The following FANCI variants were observed in gnomAD, a reference collection of about 807,000 sequenced individuals.
FANCI encodes FA complementation group I, also known as Fanconi anemia group I protein.
Under a neutral mutation model 176.1 loss-of-function variants are expected in FANCI, and 156 were observed. The ratio of observed to expected loss-of-function variants is 0.89; its 90% CI spans 0.78 to 1.01. The LOEUF (loss-of-function observed/expected upper bound fraction) is 1.01. Ranked by LOEUF, FANCI falls within the 50% of genes least tolerant of loss-of-function variation. The probability of loss-of-function intolerance (pLI) is 0.00; values close to 1 mark genes in which losing one functional copy is unlikely to be tolerated. For synonymous variants in FANCI, 613 were observed against 541.7 expected, an observed-to-expected ratio of 1.13 and a Z score of -1.83; for missense variants, 1,678 against 1,534.1, an observed-to-expected ratio of 1.09 and a Z score of -1.57.
At chr15:89,244,665 C>T (rs550643793) in intron 1 of FANCI, among the ~76,000 whole-genome samples, 1 of 152,354 alleles carries the variant, frequency 6.6e-6, no homozygotes, top group South Asian at 2.1e-4. Context: ...TTGGTGTGTC[C>T]TGTTTGCATC....
chr15:89,264,716 A>C, intron 9 of FANCI, 109 bp downstream of exon 9: 1 of 930,886 alleles, frequency 1.1e-6, no homozygotes, highest in Non-Finnish European at 1.7e-6. Context: ...TCACCTCAGC[A>C]CAAAACTTTT....
intron 24 of FANCI, among the ~76,000 whole-genome samples, chr15:89,299,340 A>G (rs1390217189): frequency 6.6e-6 from 1 of 152,210 alleles, no homozygotes; most frequent in East Asian, 1.9e-4. Context: ...AGTAATGTAA[A>G]TTCTGTGCAA....
intron 18 of FANCI, among the ~76,000 whole-genome samples, chr15:89,289,116 T>G (rs1412129582): frequency 6.6e-6 from 1 of 152,180 alleles, no homozygotes; most frequent in Non-Finnish European, 1.5e-5. Context: ...TAACCATTTG[T>G]TCAGACATCA....
chr15:89,261,000 TCA>T (rs1441713118), intron 4 of FANCI, among the ~76,000 whole-genome samples, 157 bp downstream of exon 4: 1 of 152,140 alleles, frequency 6.6e-6, no homozygotes, highest in Non-Finnish European at 1.5e-5. Context: ...GCATGGTGAC[TCA>T]CACCTGTAAT....
chr15:89,317,204 T>A (rs1596348006), downstream of FANCI: 1 of 653,324 alleles, frequency 1.5e-6, no homozygotes, highest in Non-Finnish European at 2.7e-6. Flanking sequence ...TTCTGAAACA[T>A]CATATCACAT....
At chr15:89,290,416 T>C in intron 19 of FANCI, 135 bp downstream of exon 19, 1 of 723,588 alleles carries the variant, frequency 1.4e-6, no homozygotes, top group South Asian at 1.5e-5. Context: ...GCTGTGGGTA[T>C]GTTATGCTGT....
chr15:89,315,533 T>C (rs184379846), intron 37 of FANCI, 144 bp downstream of exon 37: 6 of 687,554 alleles, frequency 8.7e-6, no homozygotes, highest in South Asian at 6.2e-5. Context: ...CAAAGGACTC[T>C]CAGAAGGGTT....
At chr15:89,295,366 G>GAAAAAAAAAAAAAAAAA (rs373941070) in intron 24 of FANCI, among the ~76,000 whole-genome samples, 1 of 96,304 alleles carries the variant, frequency 1.0e-5, no homozygotes. Flanking sequence ...ACTCTCAAAA[G>GAAAAAAAAAAAAAAAAA]AAAAAAAAAA....
At chr15:89,271,797 T>C (rs940906360) in intron 10 of FANCI, among the ~76,000 whole-genome samples, 1 of 152,240 alleles carries the variant, frequency 6.6e-6, no homozygotes, top group African/African-American at 2.4e-5. Context: ...TTTCTTTTTA[T>C]TGTTGAATAG....
intron 34 of FANCI, among the ~76,000 whole-genome samples, chr15:89,310,321 C>T (rs906051241): frequency 2.0e-5 from 3 of 152,194 alleles, no homozygotes; most frequent in Admixed American, 2.0e-4. Flanking sequence ...ATACTATGGG[C>T]TATAGTCAGT....
At chr15:89,290,097 T>C in intron 18 of FANCI, 116 bp from the exon 19 acceptor site, 1 of 832,484 alleles carries the variant, frequency 1.2e-6, no homozygotes, top group East Asian at 2.6e-5. Context: ...TCAAATATGG[T>C]CTCAATAGGA....
chr15:89,307,713 A>G (rs747603962), intron 34 of FANCI, 41 bp downstream of exon 34: 276 of 1,614,010 alleles, frequency 1.7e-4, no homozygotes, highest in Non-Finnish European at 2.1e-4. Context: ...TCTTCAAGAA[A>G]GGATTTCTTA....
At chr15:89,293,687 G>A in intron 22 of FANCI, 146 bp from the exon 23 acceptor site, 1 of 876,454 alleles carries the variant, frequency 1.1e-6, no homozygotes, top group Non-Finnish European at 1.8e-6. Flanking sequence ...TGACCTGGGA[G>A]TATTATATTA....
At chr15:89,273,231 G>T in intron 10 of FANCI, 146 bp from the exon 11 acceptor site, 1 of 585,084 alleles carries the variant, frequency 1.7e-6, no homozygotes. Flanking sequence ...TTGAGCCTGG[G>T]AAATCAAGGC....
intron 18 of FANCI, 63 bp downstream of exon 18, chr15:89,285,281 T>G: frequency 6.3e-7 from 1 of 1,591,950 alleles, no homozygotes; most frequent in African/African-American, 1.4e-5. Flanking sequence ...TTTTAGTAAT[T>G]TTTTTCCTGA....
intron 6 of FANCI, among the ~76,000 whole-genome samples, chr15:89,262,511 C>G (rs2052756707): frequency 6.6e-6 from 1 of 152,042 alleles, no homozygotes; most frequent in Admixed American, 6.6e-5. Flanking sequence ...AAAATTCTAA[C>G]CATATAATTA....
At position 89,307,601 on chromosome 15, in the gene FANCI, C is replaced by G; in HGVS notation, c.3592-12C>G. 5 of 1,614,096 alleles carry G rather than the reference C, an allele frequency of 3.1e-6. No individual in the cohort carries two copies. Among genetic ancestry groups the G allele is most frequent in the Non-Finnish European group, 4.2e-6 (5 of 1,180,008 alleles). On this transcript the variant is annotated splice_polypyrimidine_tract_variant and intron_variant, in intron 33 of 37. Coordinates refer to ENST00000310775, the MANE Select transcript of FANCI (RefSeq NM_001113378.2). The stretch of plus-strand genomic sequence containing the variant: ...GCTGGTTACATTGGTTTCCTTCTCC[C>G]TTGTTGTGCAGGTGAAGCTGTCTGG...
rs578161316 is a variant in FANCI at position 89,302,820 on chromosome 15, G to A, written c.3007-1044G>A. ...GATCTCCTGACCTCGTGATTCACCC[G>A]CCTCGGCCTCCCAAAGTGCTGGGAT... On this transcript the variant is annotated intron_variant, in intron 27 of 37. Coordinates refer to ENST00000310775, the MANE Select transcript of FANCI (RefSeq NM_001113378.2). 7.2e-5 allele frequency among the ~76,000 whole-genome samples: 11 copies of A among 152,174 alleles called. No individual in the cohort carries two copies. The East Asian group carries it at 1.9e-3, about 27-fold the overall frequency.
rs1245086326 is a variant in FANCI, at chr15:89,316,987, T to C, written c.*528T>C. The C allele has an allele frequency of 1.5e-6, 1 of 666,892 alleles. No homozygotes were observed. Among genetic ancestry groups the C allele is most frequent in the Non-Finnish European group, 2.7e-6 (1 of 368,932 alleles). The allele number at this position is 666,892 out of a possible 1,614,324, so 41.3% of individuals were successfully genotyped here. A position where few individuals can be genotyped will look rare whatever the true frequency, so the allele number is the denominator to read the frequency against. On this transcript the variant is annotated 3_prime_UTR_variant, in exon 38 of 38. Transcript: ENST00000310775. Reference sequence around the variant, plus strand: ...TTACATGTTAGGAGGGTCTGTTTTCTTTTTATATAAGTGTGTCTTAGATAT... The same window carrying C: ...TTACATGTTAGGAGGGTCTGTTTTCCTTTTATATAAGTGTGTCTTAGATAT...
Sources: gnomAD v4.1 joint callset for allele counts (sites outside exome capture counted in the v4.1 genomes callset) on GRCh38, gnomAD v4.1.1 for gene constraint, MANE v1.5 for transcripts, NCBI Gene and HGNC (gene_info 2026-07-23, HGNC 2026-07-21) for gene names.